Variants in UBE2E2 observed in about 807,000 individuals in gnomAD.
UBE2E2 encodes ubiquitin conjugating enzyme E2 E2.
UBE2E2 carries 6 observed loss-of-function variants against 24.7 expected under a neutral mutation model. The observed-to-expected ratio is 0.24, with a 90% CI of 0.13 to 0.48. The LOEUF (loss-of-function observed/expected upper bound fraction) is 0.48. Ranked by LOEUF, UBE2E2 falls within the 20% of genes least tolerant of loss-of-function variation. The pLI is 0.99. For missense variants in UBE2E2, 169 were observed against 245.0 expected (o/e 0.69, Z 2.07); for synonymous variants, 104 against 83.6 (o/e 1.24, Z -1.33).
intron 5 of UBE2E2, among the ~76,000 whole-genome samples, chr3:23,546,352 A>C (rs1258404015): frequency 1.3e-5 from 2 of 152,026 alleles, no homozygotes; most frequent in Non-Finnish European, 2.9e-5. Flanking sequence ...TTAAACAAAC[A>C]TCATTCTTTA....
chr3:23,290,790 C>T (rs559831337), intron 3 of UBE2E2, among the ~76,000 whole-genome samples: 58 of 150,436 alleles, frequency 3.9e-4, no homozygotes, highest in African/African-American at 1.3e-3. Flanking sequence ...TGGTGGCTCT[C>T]ACCTGTAATC....
intron 2 of UBE2E2, among the ~76,000 whole-genome samples, chr3:23,212,294 C>G (rs1696348930): frequency 6.6e-6 from 1 of 152,106 alleles, no homozygotes; most frequent in African/African-American, 2.4e-5. Context: ...GCAAGAGTTT[C>G]TTAAAAAATT....
intron 3 of UBE2E2, among the ~76,000 whole-genome samples, chr3:23,454,451 C>T (rs1023455211): frequency 6.6e-6 from 1 of 152,170 alleles, no homozygotes; most frequent in African/African-American, 2.4e-5. Context: ...TTCCATCTAC[C>T]TGCTGAAGTC....
At chr3:23,427,319 A>G (rs1321566194) in intron 3 of UBE2E2, among the ~76,000 whole-genome samples, 2 of 151,806 alleles carry the variant, frequency 1.3e-5, no homozygotes, top group Non-Finnish European at 2.9e-5. Flanking sequence ...AGTTCCAGCT[A>G]TTTGGGAGGC....
chr3:23,270,499 C>A (rs1698209946), intron 3 of UBE2E2, among the ~76,000 whole-genome samples: 1 of 152,112 alleles, frequency 6.6e-6, no homozygotes, highest in Non-Finnish European at 1.5e-5. Context: ...CACAGATAAA[C>A]CCTGGGGCCC....
At chr3:23,459,283 A>G (rs900296544) in intron 3 of UBE2E2, among the ~76,000 whole-genome samples, 1 of 152,244 alleles carries the variant, frequency 6.6e-6, no homozygotes, top group African/African-American at 2.4e-5. Flanking sequence ...AGCTGATTCA[A>G]CAAAATGAAC....
intron 3 of UBE2E2, among the ~76,000 whole-genome samples, chr3:23,468,082 G>A (rs1438567567): frequency 1.3e-5 from 2 of 152,140 alleles, no homozygotes; most frequent in Non-Finnish European, 2.9e-5. Flanking sequence ...CATATCAGTA[G>A]CCTTCTTTCC....
chr3:23,289,237 T>G (rs547242623), intron 3 of UBE2E2, among the ~76,000 whole-genome samples: 110 of 152,284 alleles, frequency 7.2e-4, no homozygotes, highest in African/African-American at 2.3e-3. Context: ...ACGGCTAAAG[T>G]GGAAACGTGG....
chr3:23,586,907 C>CTT (rs11349385), intron 5 of UBE2E2, among the ~76,000 whole-genome samples: 20 of 147,736 alleles, frequency 1.4e-4, no homozygotes, highest in African/African-American at 4.7e-4. Flanking sequence ...AAATTAATCC[C>CTT]TTTTTTTTTT....
intron 5 of UBE2E2, among the ~76,000 whole-genome samples, chr3:23,560,537 G>A (rs528215915): frequency 6.6e-6 from 1 of 151,880 alleles, no homozygotes; most frequent in Non-Finnish European, 1.5e-5. Context: ...ACGTGTGCAC[G>A]TGTCTTTATA....
At chr3:23,323,315 GT>G (rs1335020326) in intron 3 of UBE2E2, among the ~76,000 whole-genome samples, 24 of 152,046 alleles carry the variant, frequency 1.6e-4, no homozygotes, top group African/African-American at 5.6e-4. Context: ...TTATTTTTAT[GT>G]TACTGGTTAG....
chr3:23,305,994 T>A (rs1699226708), intron 3 of UBE2E2, among the ~76,000 whole-genome samples: 1 of 152,210 alleles, frequency 6.6e-6, no homozygotes, highest in African/African-American at 2.4e-5. Context: ...CTCAATTTTA[T>A]TATTTTGTTC....
intron 3 of UBE2E2, among the ~76,000 whole-genome samples, chr3:23,411,288 T>C (rs1292705467): frequency 1.3e-5 from 2 of 152,146 alleles, no homozygotes; most frequent in African/African-American, 4.8e-5. Flanking sequence ...CACTTGCGGT[T>C]GGGAAGATTG....
chr3:23,434,536 T>G (rs747966730), intron 3 of UBE2E2, among the ~76,000 whole-genome samples: 3 of 152,166 alleles, frequency 2.0e-5, no homozygotes, highest in African/African-American at 4.8e-5. Context: ...GTGTAAGTCT[T>G]CTTCCCTCCA....
intron 3 of UBE2E2, among the ~76,000 whole-genome samples, chr3:23,451,733 C>T (rs988058966): frequency 2.0e-5 from 3 of 152,058 alleles, no homozygotes; most frequent in Non-Finnish European, 4.4e-5. Context: ...CTCATACAAT[C>T]GTTAGTTATT....
intron 3 of UBE2E2, among the ~76,000 whole-genome samples, chr3:23,300,248 CTG>C (rs1282385781): frequency 2.6e-5 from 4 of 151,888 alleles, no homozygotes; most frequent in African/African-American, 9.7e-5. Context: ...ATTTGCCAGT[CTG>C]TGTCTTTTAA....
chr3:23,581,611 A>G (rs1183102780), intron 5 of UBE2E2, among the ~76,000 whole-genome samples: 2 of 152,220 alleles, frequency 1.3e-5, no homozygotes, highest in African/African-American at 4.8e-5. Flanking sequence ...TAATTTCCCA[A>G]GGTGACCTGA....
At chr3:23,213,459 T>A (rs966132333) in intron 2 of UBE2E2, among the ~76,000 whole-genome samples, 5 of 152,092 alleles carry the variant, frequency 3.3e-5, no homozygotes, top group African/African-American at 1.2e-4. Flanking sequence ...CTTATTGTAG[T>A]CTTATCATTC....
chr3:23,279,971 C>CA (rs1698452352), intron 3 of UBE2E2, among the ~76,000 whole-genome samples: 1 of 152,216 alleles, frequency 6.6e-6, no homozygotes, highest in Non-Finnish European at 1.5e-5. Flanking sequence ...TGACAGTTAC[C>CA]TTTGTTACCA....
Sources: allele counts gnomAD v4.1 joint callset (sites outside exome capture counted in the v4.1 genomes callset), GRCh38; gene constraint gnomAD v4.1.1; transcripts MANE v1.5; gene names NCBI Gene and HGNC (gene_info 2026-07-23, HGNC 2026-07-21).